Variants in TLN2 observed in about 807,000 individuals in gnomAD.
TLN2 encodes talin 2, also known as talin-2.
TLN2 carries 118 observed loss-of-function variants against 294.7 expected under a neutral mutation model. The observed-to-expected ratio is 0.40, with a 90% CI of 0.34 to 0.47. The LOEUF is 0.47. TLN2 is among the 20% of genes least tolerant of loss of function. The probability of loss-of-function intolerance (pLI) is 0.84; values close to 1 mark genes in which losing one functional copy is unlikely to be tolerated. For synonymous variants in TLN2, 1,431 were observed against 1,304.5 expected (o/e 1.10, Z -2.09); for missense variants, 3,083 against 3,282.2 (o/e 0.94, Z 1.48).
At chr15:62,491,360 A>G (rs1399607370) in intron 1 of TLN2, among the ~76,000 whole-genome samples, 1 of 90,640 alleles carries the variant, frequency 1.1e-5, no homozygotes, top group African/African-American at 5.1e-5. Flanking sequence ...ATACACACAC[A>G]CACACACACA....
chr15:62,410,683 C>T (rs964339047), intron 1 of TLN2, among the ~76,000 whole-genome samples: 6 of 152,196 alleles, frequency 3.9e-5, no homozygotes, highest in African/African-American at 1.4e-4. Context: ...AGCCTCTTAT[C>T]CATTACTCTT....
chr15:62,412,091 C>T (rs896499371), intron 1 of TLN2, among the ~76,000 whole-genome samples: 5 of 150,034 alleles, frequency 3.3e-5, no homozygotes, highest in Admixed American at 6.7e-5. Flanking sequence ...TTTGTCCCTG[C>T]GATTTAAAAT....
chr15:62,681,829 C>T (rs2056858449), intron 11 of TLN2, among the ~76,000 whole-genome samples: 1 of 152,180 alleles, frequency 6.6e-6, no homozygotes, highest in African/African-American at 2.4e-5. Flanking sequence ...CTCACTCTGT[C>T]ACCCAGTCTG....
chr15:62,731,428 G>A (rs527519432), intron 28 of TLN2, among the ~76,000 whole-genome samples: 1 of 151,762 alleles, frequency 6.6e-6, no homozygotes, highest in East Asian at 1.9e-4. Context: ...CCCTACATAG[G>A]ATTACTCTTC....
chr15:62,761,616 T>G, intron 37 of TLN2, 65 bp from the exon 38 acceptor site: 21 of 1,605,266 alleles, frequency 1.3e-5, no homozygotes, highest in Non-Finnish European at 1.8e-5. Context: ...AAGAGGTGAT[T>G]ACTGTGGTTC....
chr15:62,837,941 T>C (rs1311422784), intron 57 of TLN2, among the ~76,000 whole-genome samples: 1 of 152,168 alleles, frequency 6.6e-6, no homozygotes, highest in East Asian at 1.9e-4. Context: ...GAGGGGGCGC[T>C]GGACAAGAAA....
intron 11 of TLN2, among the ~76,000 whole-genome samples, chr15:62,680,497 A>G (rs1037580992): frequency 2.6e-5 from 4 of 152,178 alleles, no homozygotes; most frequent in Non-Finnish European, 5.9e-5. Flanking sequence ...GTATGTAAAA[A>G]TTAGCAAAAC....
chr15:62,458,674 TGGGA>T (rs2036623192), intron 1 of TLN2, among the ~76,000 whole-genome samples: 1 of 147,998 alleles, frequency 6.8e-6, no homozygotes, highest in Non-Finnish European at 1.5e-5. Flanking sequence ...GAGGCTGAGG[TGGGA>T]GGGTCACCTG....
intron 1 of TLN2, among the ~76,000 whole-genome samples, chr15:62,421,733 G>A (rs546255334): frequency 6.6e-6 from 1 of 152,162 alleles, no homozygotes; most frequent in South Asian, 2.1e-4. Context: ...TGATGCTGCG[G>A]TTATGAAATA....
chr15:62,737,442 G>T (rs1269925782), intron 29 of TLN2, among the ~76,000 whole-genome samples: 1 of 152,144 alleles, frequency 6.6e-6, no homozygotes, highest in Non-Finnish European at 1.5e-5. Context: ...ATCCGCTAGG[G>T]CTGGCCACTC....
chr15:62,811,411 C>G (rs1337143613), intron 52 of TLN2, among the ~76,000 whole-genome samples: 1 of 152,192 alleles, frequency 6.6e-6, no homozygotes, highest in African/African-American at 2.4e-5. Flanking sequence ...GTAAGTGTGC[C>G]TAGCAGGAAA....
intron 7 of TLN2, among the ~76,000 whole-genome samples, chr15:62,655,467 C>T (rs2053097035): frequency 6.6e-6 from 1 of 152,176 alleles, no homozygotes; most frequent in Non-Finnish European, 1.5e-5. Context: ...CTCTTTTCTA[C>T]TTGAGATCAG....
intron 3 of TLN2, among the ~76,000 whole-genome samples, chr15:62,631,393 C>T (rs575293744): frequency 4.5e-4 from 69 of 152,300 alleles, no homozygotes; most frequent in African/African-American, 1.6e-3. Flanking sequence ...CAAATAATCA[C>T]TCATCCATTA....
At chr15:62,619,980 A>T (rs1312208776) in intron 3 of TLN2, among the ~76,000 whole-genome samples, 4 of 151,828 alleles carry the variant, frequency 2.6e-5, no homozygotes, top group Non-Finnish European at 5.9e-5. Flanking sequence ...TCTAGGTTTT[A>T]TTTTTATTTT....
chr15:62,699,028 T>G (rs1387764220), intron 16 of TLN2, among the ~76,000 whole-genome samples, 161 bp downstream of exon 16: 1 of 152,110 alleles, frequency 6.6e-6, no homozygotes, highest in Non-Finnish European at 1.5e-5. Context: ...GTTGCACCCA[T>G]AGGAGGAGAG....
At chr15:62,816,919 A>G (rs1272381402) in intron 52 of TLN2, among the ~76,000 whole-genome samples, 2 of 152,198 alleles carry the variant, frequency 1.3e-5, no homozygotes, top group Non-Finnish European at 2.9e-5. Context: ...CTAAGTCTAG[A>G]GCAGTGGTTT....
chr15:62,808,725 C>T (rs1022804588), intron 51 of TLN2, among the ~76,000 whole-genome samples: 2 of 152,118 alleles, frequency 1.3e-5, no homozygotes, highest in African/African-American at 4.8e-5. Flanking sequence ...CCTCACCGTT[C>T]GAGGCACAGG....
Position 62,800,320 on chromosome 15 carries a change from A to C in TLN2, c.6235-48A>C, listed in dbSNP as rs1205053120. ...GGCTGCATGCCTTGGTAAAGCCCAC[A>C]GCTGACATCTTGACGCCTGCTCACC... On this transcript the variant is annotated intron_variant, in intron 48 of 58. Coordinates refer to ENST00000636159, the MANE Select transcript of TLN2 (RefSeq NM_015059.3). 1.6e-5 allele frequency: 26 copies of C among 1,596,028 alleles called. No homozygotes were observed. The South Asian group carries it at 2.7e-4, about 17-fold the overall frequency.
chr15:62,736,866 T>C lies in TLN2; in HGVS notation c.3359-12T>C, dbSNP rs780074633. 1 of 1,611,232 alleles carries C rather than the reference T, an allele frequency of 6.2e-7. No homozygotes were observed. The highest frequency in any genetic ancestry group is 1.3e-5 in the African/African-American group (1 of 75,026). On this transcript the variant is annotated splice_polypyrimidine_tract_variant and intron_variant, in intron 28 of 58. Coordinates refer to ENST00000636159, the MANE Select transcript of TLN2 (RefSeq NM_015059.3). The stretch of plus-strand genomic sequence containing the variant: ...GAGTCTAATTGGAAATCTGATGGAC[T>C]TTTTCCCCCAGGGGTGGCTGCTAGA...
Sources: gnomAD v4.1 joint callset for allele counts (sites outside exome capture counted in the v4.1 genomes callset) on GRCh38, gnomAD v4.1.1 for gene constraint, MANE v1.5 for transcripts, NCBI Gene and HGNC (gene_info 2026-07-23, HGNC 2026-07-21) for gene names.